The following SLC39A11 variants were observed in gnomAD, a reference collection of about 807,000 sequenced individuals.
SLC39A11 encodes solute carrier family 39 member 11.
Under a neutral mutation model 36.1 loss-of-function variants are expected in SLC39A11, and 33 were observed. That is an observed-to-expected ratio of 0.91 (90% CI 0.69 to 1.22). The LOEUF is 1.22. SLC39A11 is among the 50% of genes most tolerant of loss of function. The pLI is 0.00. For synonymous variants in SLC39A11, 166 were observed against 170.3 expected, an observed-to-expected ratio of 0.97 and a Z score of 0.20; for missense variants, 432 against 430.3, an observed-to-expected ratio of 1.00 and a Z score of -0.03.
At chr17:72,761,895 G>C (rs944061970) in intron 6 of SLC39A11, among the ~76,000 whole-genome samples, 9 of 152,236 alleles carry the variant, frequency 5.9e-5, no homozygotes, top group Admixed American at 2.6e-4. Flanking sequence ...CCATAAAGAG[G>C]AGGAAAGAAT....
chr17:73,088,589 G>C, intron 2 of SLC39A11, 68 bp downstream of exon 2: 1 of 1,251,766 alleles, frequency 8.0e-7, no homozygotes, highest in Non-Finnish European at 1.1e-6. Flanking sequence ...CTGCTCCATG[G>C]AGTGGGACAG....
intron 5 of SLC39A11, among the ~76,000 whole-genome samples, chr17:72,936,155 G>T (rs931250068): frequency 6.6e-6 from 1 of 152,030 alleles, no homozygotes; most frequent in African/African-American, 2.4e-5. Context: ...CCGAGATCAC[G>T]TCACTGCATT....
chr17:72,893,083 T>C (rs558074389), intron 5 of SLC39A11, among the ~76,000 whole-genome samples: 6 of 152,276 alleles, frequency 3.9e-5, no homozygotes, highest in Admixed American at 1.3e-4. Context: ...TACTAAGTTC[T>C]AACTAAACAA....
intron 9 of SLC39A11, among the ~76,000 whole-genome samples, chr17:72,648,341 A>G (rs1297083179): frequency 1.6e-4 from 19 of 117,170 alleles, no homozygotes; most frequent in African/African-American, 4.9e-4. Flanking sequence ...AAAAAAAAAA[A>G]AAAAAAGAAA....
chr17:72,691,219 C>T (rs1030737435), intron 7 of SLC39A11, among the ~76,000 whole-genome samples: 3 of 152,168 alleles, frequency 2.0e-5, no homozygotes, highest in African/African-American at 7.2e-5. Context: ...TGACCATGTG[C>T]AGGGAGAAGG....
intron 5 of SLC39A11, among the ~76,000 whole-genome samples, chr17:72,877,478 G>A (rs895520930): frequency 5.3e-5 from 8 of 152,166 alleles, no homozygotes; most frequent in East Asian, 1.9e-4. Context: ...GGCAAAAAGC[G>A]GGGAAAATGG....
intron 3 of SLC39A11, among the ~76,000 whole-genome samples, chr17:73,069,744 G>A (rs916292603): frequency 6.6e-6 from 1 of 152,146 alleles, no homozygotes; most frequent in Non-Finnish European, 1.5e-5. Flanking sequence ...TGCACTCAGG[G>A]TATCTTTCAA....
At chr17:72,710,039 G>A (rs940283808) in intron 7 of SLC39A11, among the ~76,000 whole-genome samples, 6 of 152,204 alleles carry the variant, frequency 3.9e-5, no homozygotes, top group African/African-American at 1.4e-4. Flanking sequence ...ACATGCAGAA[G>A]TCTCTGGGTC....
At chr17:73,059,577 C>T (rs2059773681) in intron 3 of SLC39A11, among the ~76,000 whole-genome samples, 1 of 151,064 alleles carries the variant, frequency 6.6e-6, no homozygotes. Flanking sequence ...ATCACTTGAA[C>T]CTGGGAAGCT....
chr17:72,742,484 G>A (rs6501561), intron 6 of SLC39A11, among the ~76,000 whole-genome samples: 5 of 152,170 alleles, frequency 3.3e-5, no homozygotes, highest in Admixed American at 3.3e-4. Flanking sequence ...CTAACACACC[G>A]GAGACCATCA....
chr17:72,983,705 C>T (rs1456316474), intron 4 of SLC39A11, among the ~76,000 whole-genome samples: 2 of 152,174 alleles, frequency 1.3e-5, no homozygotes, highest in Non-Finnish European at 2.9e-5. Flanking sequence ...CCACAGATCC[C>T]TTTGTACCTT....
chr17:72,672,721 C>T (rs2071076921), intron 7 of SLC39A11, among the ~76,000 whole-genome samples: 1 of 152,124 alleles, frequency 6.6e-6, no homozygotes, highest in South Asian at 2.1e-4. Flanking sequence ...TACTCAGCCT[C>T]CAGAGTAGCT....
chr17:72,932,292 T>TTTATTATTATTATTA lies in SLC39A11; in HGVS notation c.430+15445_430+15459dup, dbSNP rs544893367. On this transcript the variant is annotated intron_variant, in intron 5 of 9. Transcript: ENST00000255559. ...TTCTACCTGAAGAATGACCTGTTCT[T>TTTATTATTATTATTA]TTATTATTATTATTATTATACTTTA... 1.0e-3 allele frequency among the ~76,000 whole-genome samples: 144 copies of TTTATTATTATTATTA among 144,462 alleles called. 1 individual carries two copies. Among genetic ancestry groups the TTTATTATTATTATTA allele is most frequent in the African/African-American group, 3.5e-3 (125 of 35,430 alleles). 94.8% of individuals were successfully genotyped at this position (144,462 alleles called of 152,430 possible).
intron 7 of SLC39A11, among the ~76,000 whole-genome samples, chr17:72,675,912 C>T (rs572248780): frequency 1.1e-4 from 17 of 152,274 alleles, no homozygotes; most frequent in African/African-American, 3.1e-4. Flanking sequence ...CTCCTAAGCT[C>T]AGGTAATCCA....
At chr17:72,916,370 T>TA (rs2083333209) in intron 5 of SLC39A11, among the ~76,000 whole-genome samples, 1 of 152,196 alleles carries the variant, frequency 6.6e-6, no homozygotes, top group Admixed American at 6.5e-5. Context: ...GGCAGGCTCT[T>TA]ACACGGTTCC....
At chr17:73,029,869 A>C (rs1194798597) in intron 4 of SLC39A11, among the ~76,000 whole-genome samples, 1 of 152,186 alleles carries the variant, frequency 6.6e-6, no homozygotes, top group African/African-American at 2.4e-5. Context: ...GGCATGAACC[A>C]CTGTGCCCAG....
intron 3 of SLC39A11, among the ~76,000 whole-genome samples, chr17:73,037,249 A>G (rs939230180): frequency 6.6e-6 from 1 of 152,228 alleles, no homozygotes; most frequent in Admixed American, 6.5e-5. Context: ...AATAAGGGCC[A>G]AGGAGTGGAA....
At chr17:72,952,320 A>G (rs1418494337) in intron 4 of SLC39A11, among the ~76,000 whole-genome samples, 1 of 152,190 alleles carries the variant, frequency 6.6e-6, no homozygotes, top group East Asian at 1.9e-4. Context: ...AGAGGAATAC[A>G]TCCCTCTGAA....
chr17:72,935,765 C>G (rs924063257), intron 5 of SLC39A11, among the ~76,000 whole-genome samples: 1 of 151,846 alleles, frequency 6.6e-6, no homozygotes, highest in Admixed American at 6.6e-5. Context: ...TTTGTATTTT[C>G]GTAGACACGG....
Sources: gnomAD v4.1 joint callset for allele counts (sites outside exome capture counted in the v4.1 genomes callset) on GRCh38, gnomAD v4.1.1 for gene constraint, MANE v1.5 for transcripts, NCBI Gene and HGNC (gene_info 2026-07-23, HGNC 2026-07-21) for gene names.